Variants in ITPK1 observed in about 807,000 individuals in gnomAD.
ITPK1 encodes inositol-tetrakisphosphate 1-kinase, also known as inositol 1,3,4-trisphosphate 5/6-kinase.
Under a neutral mutation model 45.3 loss-of-function variants are expected in ITPK1, and 21 were observed. The ratio of observed to expected loss-of-function variants is 0.46; its 90% CI spans 0.33 to 0.67. ITPK1 has a LOEUF of 0.67. Among genes scored for constraint, ITPK1 ranks in the 30% least tolerant of loss-of-function variants. The pLI is 0.02. For synonymous variants in ITPK1, 258 were observed against 253.6 expected (o/e 1.02, Z -0.16); for missense variants, 474 against 573.5 (o/e 0.83, Z 1.77).
chr14:92,965,851 A>G (rs1297437981), intron 5 of ITPK1, among the ~76,000 whole-genome samples: 1 of 152,078 alleles, frequency 6.6e-6, no homozygotes, highest in Non-Finnish European at 1.5e-5. Context: ...TAAAAATACA[A>G]AATTAGCCAG....
At chr14:93,049,619 T>C (rs1167964677) in intron 3 of ITPK1, among the ~76,000 whole-genome samples, 1 of 151,456 alleles carries the variant, frequency 6.6e-6, no homozygotes, top group Admixed American at 6.6e-5. Context: ...ATATTCTCGA[T>C]GAAAGATCAT....
chr14:93,032,602 G>A lies in ITPK1; in HGVS notation c.121-15801C>T, dbSNP rs564342728. 8.5e-5 allele frequency among the ~76,000 whole-genome samples: 13 copies of A among 152,298 alleles called. No individual in the cohort carries two copies. The highest frequency in any genetic ancestry group is 2.9e-4 in the African/African-American group (12 of 41,568). ...TTCCAGAGAATGCTGCCAGGTCACA[G>A]AAATTTACTGACCCACATCTGACCT... On this transcript the variant is annotated intron_variant, in intron 3 of 10. Coordinates refer to ENST00000267615, the MANE Select transcript of ITPK1 (RefSeq NM_014216.6). The surrounding 1 kb of genome is among the most constrained non-coding windows in gnomAD (Gnocchi z 4.0).
chr14:92,949,462 G>A (rs542209157), intron 9 of ITPK1, among the ~76,000 whole-genome samples: 2 of 152,304 alleles, frequency 1.3e-5, no homozygotes, highest in East Asian at 1.9e-4. Context: ...TAAGCCTAGT[G>A]GGGCAGCTCA....
chr14:93,108,890 G>A (rs568733543), intron 2 of ITPK1, among the ~76,000 whole-genome samples: 3 of 152,322 alleles, frequency 2.0e-5, no homozygotes, highest in East Asian at 1.9e-4. Flanking sequence ...GTGCATGACT[G>A]TAGTTCCAGC....
chr14:93,002,192 A>G (rs1458982382), intron 4 of ITPK1, among the ~76,000 whole-genome samples: 1 of 152,114 alleles, frequency 6.6e-6, no homozygotes, highest in Non-Finnish European at 1.5e-5. Context: ...TGTCTCTACA[A>G]AAAATTAAAA....
chr14:93,074,408 T>C (rs1216517853), intron 3 of ITPK1, among the ~76,000 whole-genome samples: 1 of 152,186 alleles, frequency 6.6e-6, no homozygotes, highest in Non-Finnish European at 1.5e-5. Context: ...GAATGCCACA[T>C]AAATGAAACC....
chr14:92,990,341 C>T (rs1184596225), intron 5 of ITPK1, among the ~76,000 whole-genome samples: 1 of 151,972 alleles, frequency 6.6e-6, no homozygotes, highest in Non-Finnish European at 1.5e-5. Flanking sequence ...ATACAGCCAT[C>T]ACCCAGGACC....
In ITPK1 at chr14:93,014,838, T is replaced by G. The variant is rs1888091915; in HGVS notation, c.246+1838A>C. On this transcript the variant is annotated intron_variant, in intron 4 of 10. Transcript: ENST00000267615. This position sits in a 1 kb window ranked among gnomAD's most constrained non-coding sequence, Gnocchi z 4.4. ...TGAAGCGCTTTCGAGCAGGGCTTGGTAAGCGGTAACTGCTCTGCAGTGCTT... is the reference window on the plus strand; with the variant it reads ...TGAAGCGCTTTCGAGCAGGGCTTGGGAAGCGGTAACTGCTCTGCAGTGCTT... 6.6e-6 allele frequency among the ~76,000 whole-genome samples: 1 copy of G among 152,266 alleles called. No homozygotes were observed. The highest frequency in any genetic ancestry group is 1.5e-5 in the Non-Finnish European group (1 of 68,038).
rs530005786 is a variant in ITPK1 at position 92,988,329 on chromosome 14, C to T, written c.364+5551G>A. On this transcript the variant is annotated intron_variant, in intron 5 of 10. Coordinates refer to ENST00000267615, the MANE Select transcript of ITPK1 (RefSeq NM_014216.6). The stretch of plus-strand genomic sequence containing the variant: ...TCTGGGGTGGGGCCACCAGCTGAGA[C>T]GCCCACTCAGCACGTCCGAGGCACT... 5.9e-5 allele frequency among the ~76,000 whole-genome samples: 9 copies of T among 152,300 alleles called. No homozygotes were observed. In the East Asian group the frequency reaches 7.7e-4, roughly 13 times the overall value.
rs1442969925 is a variant in ITPK1 at position 93,112,916 on chromosome 14, A to G, written c.95+2153T>C. 2.6e-5 allele frequency among the ~76,000 whole-genome samples: 4 copies of G among 152,192 alleles called. No homozygotes were observed. In the East Asian group the frequency reaches 5.8e-4, roughly 22 times the overall value. ...GTCTCATTGGCCCTCACACCAAACAAAACAACCTCACGGGGCTCCCTGGTC... is the reference window on the plus strand; with the variant it reads ...GTCTCATTGGCCCTCACACCAAACAGAACAACCTCACGGGGCTCCCTGGTC... On this transcript the variant is annotated intron_variant, in intron 2 of 10. Transcript: ENST00000267615.
rs1373361766 is a variant in ITPK1, at chr14:93,032,039, A to C, written c.121-15238T>G. Among the ~76,000 whole-genome samples, 5 of 152,188 alleles carry C rather than the reference A, an allele frequency of 3.3e-5. No homozygotes were observed. Among genetic ancestry groups the C allele is most frequent in the Non-Finnish European group, 7.3e-5 (5 of 68,038 alleles). On this transcript the variant is annotated intron_variant, in intron 3 of 10. Transcript: ENST00000267615. This position sits in a 1 kb window ranked among gnomAD's most constrained non-coding sequence, Gnocchi z 4.0. The stretch of plus-strand genomic sequence containing the variant: ...AGCATTCCTTGAGGCAGTTTTCCAA[A>C]CTGGTATTTGATATAATAGTAACAA...
chr14:93,114,170 T>C (rs761934292), intron 2 of ITPK1, among the ~76,000 whole-genome samples: 6 of 152,264 alleles, frequency 3.9e-5, no homozygotes, highest in Non-Finnish European at 8.8e-5. Context: ...TAGGCTTGCA[T>C]TGAGAAAAGG....
chr14:92,962,424 GA>G, intron 6 of ITPK1, 29 bp from the exon 7 acceptor site: 1 of 1,536,944 alleles, frequency 6.5e-7, no homozygotes, highest in Non-Finnish European at 9.0e-7. Context: ...AAAGCAGAGA[GA>G]AATTAGTGAG....
At chr14:93,033,624 C>A (rs745422079) in intron 3 of ITPK1, among the ~76,000 whole-genome samples, 1 of 152,260 alleles carries the variant, frequency 6.6e-6, no homozygotes, top group Non-Finnish European at 1.5e-5. Flanking sequence ...CCAAACAGCA[C>A]TTCATGGAGG....
At chr14:93,112,734 G>A (rs76693480) in intron 2 of ITPK1, among the ~76,000 whole-genome samples, 18 of 151,856 alleles carry the variant, frequency 1.2e-4, no homozygotes, top group East Asian at 9.7e-4. Flanking sequence ...CACGGCACCC[G>A]GCCCAAAGCA....
rs1161144262 is a variant in ITPK1 at position 93,036,228 on chromosome 14, G to A, written c.121-19427C>T. Among the ~76,000 whole-genome samples, 1 of 152,152 alleles carries A rather than the reference G, an allele frequency of 6.6e-6. No homozygotes were observed. The highest frequency in any genetic ancestry group is 1.9e-4 in the East Asian group (1 of 5,182). On this transcript the variant is annotated intron_variant, in intron 3 of 10. Transcript: ENST00000267615. This position sits in a 1 kb window ranked among gnomAD's most constrained non-coding sequence, Gnocchi z 4.1. ...GGAGGGACACTGTCCCCGTCCTACTGGGAAGGGCCGCTCCTATAGCAACCA... is the reference window on the plus strand; with the variant it reads ...GGAGGGACACTGTCCCCGTCCTACTAGGAAGGGCCGCTCCTATAGCAACCA...
intron 2 of ITPK1, among the ~76,000 whole-genome samples, chr14:93,113,306 G>A (rs1892821426): frequency 6.6e-6 from 1 of 152,182 alleles, no homozygotes; most frequent in Admixed American, 6.5e-5. Context: ...ACAAGGTCAA[G>A]CCAATCTGCA....
chr14:93,023,186 C>A (rs763592444), intron 3 of ITPK1, among the ~76,000 whole-genome samples: 2 of 152,218 alleles, frequency 1.3e-5, no homozygotes, highest in Non-Finnish European at 2.9e-5. Context: ...GGCCTATCAG[C>A]CCCTTTTCTG....
At chr14:92,960,529 C>T (rs927139050) in intron 7 of ITPK1, among the ~76,000 whole-genome samples, 6 of 152,352 alleles carry the variant, frequency 3.9e-5, no homozygotes, top group Non-Finnish European at 8.8e-5. Context: ...AATGGCAACA[C>T]ACGGCACCAG....
Sources: gnomAD v4.1 joint callset for allele counts (sites outside exome capture counted in the v4.1 genomes callset) on GRCh38, gnomAD v4.1.1 for gene constraint, Gnocchi (gnomAD v3.1) non-coding constraint, MANE v1.5 for transcripts, NCBI Gene and HGNC (gene_info 2026-07-23, HGNC 2026-07-21) for gene names.